The following SLC35D4 variants were observed in gnomAD, a reference collection of about 807,000 sequenced individuals.
SLC35D4 encodes the protein UDP-N-acetylglucosamine transporter SLC35D4.
At chr18:23,380,865 T>G in the SLC35D4 span, among the ~76,000 whole-genome samples, 1 of 152,100 alleles carries the variant, frequency 6.6e-6, no homozygotes, top group Non-Finnish European at 1.5e-5. Flanking sequence ...GAAAATGAAC[T>G]CTACAGCTCC....
At chr18:23,242,697 A>G in the SLC35D4 span, among the ~76,000 whole-genome samples, 2 of 150,478 alleles carry the variant, frequency 1.3e-5, no homozygotes, top group East Asian at 4.0e-4. Context: ...CACATCAAAA[A>G]GAAAACCGAC....
At chr18:23,252,744 C>CCTCA in the SLC35D4 span, among the ~76,000 whole-genome samples, 1 of 152,162 alleles carries the variant, frequency 6.6e-6, no homozygotes, top group African/African-American at 2.4e-5. Flanking sequence ...CTAAGTGTCA[C>CCTCA]CTCATCCTAA....
the SLC35D4 span, among the ~76,000 whole-genome samples, chr18:23,263,548 G>T: frequency 2.0e-5 from 3 of 152,212 alleles, no homozygotes; most frequent in African/African-American, 7.2e-5. Flanking sequence ...CAGGTTTAAC[G>T]CAGCCAGTGT....
chr18:23,359,609 G>A, the SLC35D4 span, among the ~76,000 whole-genome samples: 9 of 152,220 alleles, frequency 5.9e-5, no homozygotes, highest in East Asian at 3.9e-4. Context: ...ATATTTGAAC[G>A]TGAAGAAAAT....
chr18:23,303,159 A>G, the SLC35D4 span, among the ~76,000 whole-genome samples: 2 of 152,156 alleles, frequency 1.3e-5, no homozygotes, highest in Non-Finnish European at 2.9e-5. Flanking sequence ...CGCCTAGTAT[A>G]TGGACAAGGC....
the SLC35D4 span, among the ~76,000 whole-genome samples, chr18:23,248,547 G>C: frequency 1.8e-5 from 2 of 108,824 alleles, no homozygotes; most frequent in African/African-American, 7.6e-5. Context: ...TTAAAAAAAG[G>C]CTGGACGTGG....
At chr18:23,422,546 G>C in the SLC35D4 span, among the ~76,000 whole-genome samples, 1 of 152,078 alleles carries the variant, frequency 6.6e-6, no homozygotes, top group Admixed American at 6.6e-5. Context: ...CTCATGCCTG[G>C]CTCACAGCAT....
At chr18:23,402,438 CT>C in the SLC35D4 span, among the ~76,000 whole-genome samples, 1 of 152,132 alleles carries the variant, frequency 6.6e-6, no homozygotes, top group African/African-American at 2.4e-5. Context: ...AACGAAAAGC[CT>C]TACCACAAAA....
the SLC35D4 span, chr18:23,352,278 C>A: frequency 1.2e-6 from 2 of 1,606,126 alleles, no homozygotes; most frequent in Non-Finnish European, 1.7e-6. Flanking sequence ...GAGAAAGAAT[C>A]CCAAAAATCC....
the SLC35D4 span, chr18:23,370,089 G>A: frequency 2.2e-5 from 15 of 682,616 alleles, no homozygotes; most frequent in Admixed American, 1.6e-4. Context: ...TGAGGCAGGC[G>A]AATCGCTTGA....
At chr18:23,425,629 A>T in the SLC35D4 span, among the ~76,000 whole-genome samples, 4 of 152,166 alleles carry the variant, frequency 2.6e-5, no homozygotes, top group African/African-American at 4.8e-5. Flanking sequence ...ATCAGGAGAG[A>T]GTATTGTAGG....
At chr18:23,284,615 C>T in the SLC35D4 span, among the ~76,000 whole-genome samples, 1 of 152,228 alleles carries the variant, frequency 6.6e-6, no homozygotes, top group Non-Finnish European at 1.5e-5. Flanking sequence ...ACCCAACTGC[C>T]TTGGGATCGC....
the SLC35D4 span, among the ~76,000 whole-genome samples, chr18:23,375,555 T>G: frequency 3.7e-3 from 558 of 152,258 alleles, 7 homozygotes; most frequent in African/African-American, 0.013. Flanking sequence ...GGTTTAAACT[T>G]TTCCCCCCGT....
At chr18:23,309,986 G>A in the SLC35D4 span, among the ~76,000 whole-genome samples, 1 of 152,200 alleles carries the variant, frequency 6.6e-6, no homozygotes, top group Non-Finnish European at 1.5e-5. Flanking sequence ...AGGTGAGAAT[G>A]TTCAAAGAAG....
At chr18:23,388,681 T>A in the SLC35D4 span, among the ~76,000 whole-genome samples, 2 of 152,226 alleles carry the variant, frequency 1.3e-5, no homozygotes, top group South Asian at 4.1e-4. Context: ...ACCCAAATCT[T>A]ATGTCGAATT....
At chr18:23,399,568 G>C in the SLC35D4 span, 2 of 1,613,796 alleles carry the variant, frequency 1.2e-6, no homozygotes, top group East Asian at 2.2e-5. Context: ...ATACTTACCA[G>C]TCTGGACAAT....
chr18:23,330,226 G>A, the SLC35D4 span, among the ~76,000 whole-genome samples: 1 of 151,902 alleles, frequency 6.6e-6, no homozygotes, highest in African/African-American at 2.4e-5. Flanking sequence ...AACCCAACAG[G>A]TGAAGAACAA....
chr18:23,298,298 C>G, the SLC35D4 span, among the ~76,000 whole-genome samples: 105 of 152,322 alleles, frequency 6.9e-4, 1 homozygote, highest in South Asian at 0.021. Context: ...GATACCTTCC[C>G]TTGGGGAAGA....
At chr18:23,296,444 T>G in the SLC35D4 span, 1 of 152,186 alleles carries the variant, frequency 6.6e-6, no homozygotes, top group Non-Finnish European at 1.5e-5. Context: ...TAGCTGGGAC[T>G]ACAGGCACAC....
Sources: allele counts gnomAD v4.1 joint callset (sites outside exome capture counted in the v4.1 genomes callset), GRCh38; gene constraint gnomAD v4.1.1; transcripts MANE v1.5; gene names NCBI Gene and HGNC (gene_info 2026-07-23, HGNC 2026-07-21).